TENM4: variants seen among roughly 807,000 people sequenced by gnomAD.
TENM4 encodes the protein teneurin-4.
A neutral mutation model predicts 243.3 loss-of-function variants in TENM4; 82 were observed. That is an observed-to-expected ratio of 0.34 (90% CI 0.28 to 0.40). The LOEUF is 0.40. Among genes scored for constraint, TENM4 ranks in the 10% least tolerant of loss-of-function variants. The pLI is 1.00. For synonymous variants in TENM4, 1,412 were observed against 1,456.3 expected (o/e 0.97, Z 0.69); for missense variants, 3,138 against 3,673.3 (o/e 0.85, Z 3.77).
rs563295895 is a variant in TENM4 at position 78,927,599 on chromosome 11, A to T, written c.494-24076T>A. Among the ~76,000 whole-genome samples the T allele has an allele frequency of 2.0e-4, 30 of 152,330 alleles. No individual in the cohort carries two copies. In the South Asian group the frequency reaches 6.0e-3, roughly 31 times the overall value. ...GGAGGTTTCGTACCTCCCTTTGCTC[A>T]GCGTCAGGCTGGCTCCATCTCAAAG... On this transcript the variant is annotated intron_variant, in intron 6 of 33. Coordinates refer to ENST00000278550, the MANE Select transcript of TENM4 (RefSeq NM_001098816.3).
intron 2 of TENM4, among the ~76,000 whole-genome samples, chr11:79,237,828 C>G (rs1201357156): frequency 6.6e-6 from 1 of 152,138 alleles, no homozygotes; most frequent in African/African-American, 2.4e-5. Flanking sequence ...TCCTGCTTGG[C>G]TAGCTCTCTG....
At chr11:78,683,926 G>T (rs1249779970) in intron 29 of TENM4, among the ~76,000 whole-genome samples, 1 of 152,178 alleles carries the variant, frequency 6.6e-6, no homozygotes, top group East Asian at 1.9e-4. Flanking sequence ...TCCTGTCTCT[G>T]GCCCTTCCTT....
At chr11:78,829,834 T>C (rs965859037) in intron 12 of TENM4, among the ~76,000 whole-genome samples, 2 of 152,172 alleles carry the variant, frequency 1.3e-5, no homozygotes, top group Non-Finnish European at 1.5e-5. Flanking sequence ...TAGCTGGCCT[T>C]AGCTCACTTC....
At chr11:79,195,263 G>A (rs1288402346) in intron 3 of TENM4, among the ~76,000 whole-genome samples, 1 of 152,232 alleles carries the variant, frequency 6.6e-6, no homozygotes, top group Non-Finnish European at 1.5e-5. Flanking sequence ...AGGGAAATGT[G>A]AGGTCAGAGC....
intron 2 of TENM4, among the ~76,000 whole-genome samples, chr11:79,268,681 G>A (rs1428529740): frequency 6.6e-6 from 1 of 152,170 alleles, no homozygotes; most frequent in African/African-American, 2.4e-5. Context: ...CCCAGCTGAG[G>A]TTAAACAAAA....
chr11:78,702,446 C>T, intron 27 of TENM4, 43 bp from the exon 28 acceptor site: 7 of 1,578,392 alleles, frequency 4.4e-6, no homozygotes, highest in Non-Finnish European at 6.0e-6. Flanking sequence ...GGCAAGATGC[C>T]CACCACTAAT....
chr11:78,770,561 A>G (rs1856625838), intron 18 of TENM4, among the ~76,000 whole-genome samples: 1 of 152,220 alleles, frequency 6.6e-6, no homozygotes, highest in African/African-American at 2.4e-5. Flanking sequence ...GAATCAGAGG[A>G]GAAGAGACCT....
chr11:78,941,161 A>C (rs114018406), intron 6 of TENM4, among the ~76,000 whole-genome samples: 1 of 152,194 alleles, frequency 6.6e-6, no homozygotes, highest in Non-Finnish European at 1.5e-5. Flanking sequence ...TGGGCTTGAC[A>C]CTTGCTAGCT....
rs543036134 is a variant in TENM4, at chr11:79,298,626, G to T, written c.-320-1083C>A. On this transcript the variant is annotated intron_variant, in intron 1 of 33. Transcript: ENST00000278550. Reference sequence around the variant, plus strand: ...AAAGCAAGGCTAAGGAAAAGAGAAGGAAACTCCTATATTTGAGTCCCTACT... The same window carrying T: ...AAAGCAAGGCTAAGGAAAAGAGAAGTAAACTCCTATATTTGAGTCCCTACT... 2.0e-5 allele frequency among the ~76,000 whole-genome samples: 3 copies of T among 151,744 alleles called. No homozygotes were observed. The South Asian group carries it at 6.3e-4, about 32-fold the overall frequency.
chr11:78,670,619 G>A (rs577054600), intron 31 of TENM4, 68 bp from the exon 32 acceptor site: 6 of 1,403,040 alleles, frequency 4.3e-6, no homozygotes, highest in African/African-American at 2.9e-5. Context: ...CTACATACCC[G>A]AGACTTAAAG....
intron 6 of TENM4, among the ~76,000 whole-genome samples, chr11:78,997,292 T>C (rs1858199798): frequency 6.6e-6 from 1 of 152,224 alleles, no homozygotes; most frequent in African/African-American, 2.4e-5. Context: ...CACTATTCTC[T>C]GGAGACTCAG....
At chr11:79,294,612 G>C (rs58213247) in intron 2 of TENM4, among the ~76,000 whole-genome samples, 19,429 of 152,212 alleles carry the variant, frequency 0.13, 1,514 homozygotes, top group African/African-American at 0.23. Flanking sequence ...ACTTTGGGAG[G>C]ATGAGGTGGG....
intron 2 of TENM4, among the ~76,000 whole-genome samples, chr11:79,264,210 C>A (rs368783301): frequency 9.9e-5 from 15 of 152,106 alleles, no homozygotes; most frequent in Non-Finnish European, 1.2e-4. Flanking sequence ...AAAACATGGC[C>A]GGCACGGGTG....
At chr11:79,304,684 C>T (rs59219189) in intron 1 of TENM4, among the ~76,000 whole-genome samples, 314 of 152,290 alleles carry the variant, frequency 2.1e-3, no homozygotes, top group African/African-American at 7.1e-3. Flanking sequence ...CCTCAACAAC[C>T]TACCAACCTA....
chr11:79,321,575 G>C (rs920088630), intron 1 of TENM4, among the ~76,000 whole-genome samples: 1 of 144,136 alleles, frequency 6.9e-6, no homozygotes, highest in Admixed American at 7.4e-5. Flanking sequence ...GGAAGCAGGC[G>C]ATCTCAGTTC....
At chr11:78,878,484 C>T (rs777419900) in intron 9 of TENM4, among the ~76,000 whole-genome samples, 25 of 152,110 alleles carry the variant, frequency 1.6e-4, no homozygotes, top group Non-Finnish European at 2.9e-4. Flanking sequence ...CCTGAAGTAG[C>T]GACACTTGAG....
chr11:79,187,565 C>T (rs1163638963), intron 3 of TENM4, among the ~76,000 whole-genome samples: 1 of 152,190 alleles, frequency 6.6e-6, no homozygotes, highest in African/African-American at 2.4e-5. Context: ...ACTAGTGAGA[C>T]TCTACAAGGA....
At chr11:79,022,596 G>C (rs1049318287) in intron 6 of TENM4, among the ~76,000 whole-genome samples, 1 of 152,208 alleles carries the variant, frequency 6.6e-6, no homozygotes, top group African/African-American at 2.4e-5. Flanking sequence ...AAAGGGTCCT[G>C]TCTGGAAATG....
chr11:78,892,287 C>A (rs1283723593), intron 7 of TENM4, among the ~76,000 whole-genome samples: 1 of 152,192 alleles, frequency 6.6e-6, no homozygotes, highest in African/African-American at 2.4e-5. Context: ...ACAGCTATCA[C>A]CTCACTTTCA....
Sources: allele counts gnomAD v4.1 joint callset (sites outside exome capture counted in the v4.1 genomes callset), GRCh38; gene constraint gnomAD v4.1.1; transcripts MANE v1.5; gene names NCBI Gene and HGNC (gene_info 2026-07-23, HGNC 2026-07-21).